The following CACNA1I variants were observed in gnomAD, a reference collection of about 807,000 sequenced individuals.
CACNA1I encodes the protein voltage-dependent T-type calcium channel subunit alpha-1I.
In CACNA1I, 74 loss-of-function variants were observed where a neutral mutation model predicts 201.6. The observed-to-expected ratio is 0.37, with a 90% CI of 0.30 to 0.45. The LOEUF (loss-of-function observed/expected upper bound fraction) is 0.45, where lower values mean the gene tolerates loss of function less well. Ranked by LOEUF, CACNA1I falls within the 20% of genes least tolerant of loss-of-function variation. CACNA1I has a pLI of 1.00. For missense variants in CACNA1I, 2,346 were observed against 3,138.1 expected (o/e 0.75, Z 6.03); for synonymous variants, 1,431 against 1,345.2 (o/e 1.06, Z -1.40).
intron 7 of CACNA1I, among the ~76,000 whole-genome samples, chr22:39,646,254 G>A (rs1418485963): frequency 4.0e-5 from 6 of 151,606 alleles, no homozygotes; most frequent in Non-Finnish European, 5.9e-5. Context: ...GTTTCCACTC[G>A]TCCCCTGCAT....
chr22:39,591,925 G>C (rs969493923), intron 1 of CACNA1I, among the ~76,000 whole-genome samples: 4 of 152,202 alleles, frequency 2.6e-5, no homozygotes, highest in Non-Finnish European at 4.4e-5. Context: ...AGAAGTGTTC[G>C]CGATTGTCAC....
At chr22:39,597,862 G>A (rs1006301338) in intron 1 of CACNA1I, among the ~76,000 whole-genome samples, 3 of 152,204 alleles carry the variant, frequency 2.0e-5, no homozygotes, top group Non-Finnish European at 4.4e-5. Context: ...AGGCTTCCGG[G>A]AACCTCTCCC....
intron 5 of CACNA1I, among the ~76,000 whole-genome samples, chr22:39,636,544 G>A (rs73424176): frequency 0.025 from 3,855 of 152,274 alleles, 166 homozygotes; most frequent in African/African-American, 0.086. Flanking sequence ...TAAAGTTCAC[G>A]CACGTCTGGT....
In CACNA1I at chr22:39,677,286, T is replaced by A; in HGVS notation, c.4855-55T>A. ...CCCCAGCCTCCACCCTTCCCAGGCCTGGTGCGCCCCCACCCGCTCCCCAGC... is the reference window on the plus strand; with the variant it reads ...CCCCAGCCTCCACCCTTCCCAGGCCAGGTGCGCCCCCACCCGCTCCCCAGC... On this transcript the variant is annotated intron_variant, in intron 29 of 36. Transcript: ENST00000402142. This position sits in a 1 kb window ranked among gnomAD's most constrained non-coding sequence, Gnocchi z 4.8. 1 of 1,252,190 alleles carries A rather than the reference T, an allele frequency of 8.0e-7. No individual in the cohort carries two copies. The highest frequency in any genetic ancestry group is 2.5e-5 in the East Asian group (1 of 40,032). The allele number at this position is 1,252,190 out of a possible 1,614,324, so 77.6% of individuals were successfully genotyped here.
intron 1 of CACNA1I, among the ~76,000 whole-genome samples, chr22:39,572,908 C>A (rs780039585): frequency 6.6e-6 from 1 of 152,144 alleles, no homozygotes; most frequent in South Asian, 2.1e-4. Flanking sequence ...AGGCACCCAC[C>A]GCCATGCCCT....
chr22:39,630,106 C>T (rs1239485180), intron 4 of CACNA1I, among the ~76,000 whole-genome samples: 1 of 152,170 alleles, frequency 6.6e-6, no homozygotes, highest in Non-Finnish European at 1.5e-5. Flanking sequence ...CTGCCTCCGA[C>T]TTGAGGGCTG....
intron 4 of CACNA1I, among the ~76,000 whole-genome samples, chr22:39,633,252 C>G (rs1934113063): frequency 6.6e-6 from 1 of 152,170 alleles, no homozygotes. Flanking sequence ...CTGCTGGGTT[C>G]TGGGAATACT....
intron 6 of CACNA1I, among the ~76,000 whole-genome samples, 183 bp downstream of exon 6, chr22:39,641,365 C>G (rs1934346798): frequency 6.6e-6 from 1 of 152,260 alleles, no homozygotes; most frequent in Non-Finnish European, 1.5e-5. Context: ...AGAAAGGAAG[C>G]AAGCTAATTG....
At chr22:39,571,269 C>T in intron 1 of CACNA1I, 1 of 514,974 alleles carries the variant, frequency 1.9e-6, no homozygotes, top group South Asian at 2.1e-5. Flanking sequence ...GAGTGTGGGC[C>T]CCAGACCTGT....
intron 1 of CACNA1I, among the ~76,000 whole-genome samples, chr22:39,573,780 TG>T (rs1362482279): frequency 1.3e-5 from 2 of 152,170 alleles, no homozygotes; most frequent in African/African-American, 4.8e-5. Context: ...TCATGTGGGT[TG>T]TGGCCTGGGG....
chr22:39,671,030 A>G, intron 26 of CACNA1I, 76 bp downstream of exon 26: 4 of 1,369,028 alleles, frequency 2.9e-6, no homozygotes, highest in Non-Finnish European at 4.1e-6. Flanking sequence ...CCCCAGGGAT[A>G]GGGTGGGGAA....
intron 5 of CACNA1I, among the ~76,000 whole-genome samples, chr22:39,634,965 C>T (rs1934168200): frequency 6.6e-6 from 1 of 152,108 alleles, no homozygotes; most frequent in Admixed American, 6.5e-5. Flanking sequence ...CATTCATTCC[C>T]CTTGGTGGCT....
intron 1 of CACNA1I, among the ~76,000 whole-genome samples, chr22:39,593,112 G>C (rs1221822523): frequency 2.6e-5 from 4 of 152,114 alleles, no homozygotes; most frequent in Non-Finnish European, 2.9e-5. Context: ...AGGGATGAAA[G>C]CCACTCCATC....
Position 39,670,809 on chromosome 22 carries a change from A to G in CACNA1I, c.4394A>G (p.Gln1465Arg). Residue 1465 changes from glutamine (Q) to arginine (R), a missense_variant, in exon 26 of 37, where the codon CAG (glutamine) becomes CGG (arginine). Physicochemically the swap from Gln to Arg is conservative, Grantham distance 43. This residue lies in a region of CACNA1I where 228 missense variants were observed against 395.7 expected (regional missense o/e 0.58). Transcript: ENST00000402142. Reference protein sequence around the residue: ...RRLEKKRRKAQRLPYYATYCH... With the variant: ...RRLEKKRRKARRLPYYATYCH... ...CCCCCTGCACCACCTGCAGAGGCCC[A>G]GCGGCTGCCCTACTATGCCACCTAT... 1 of 1,613,766 alleles carries G rather than the reference A, an allele frequency of 6.2e-7. No individual in the cohort carries two copies. Among genetic ancestry groups the G allele is most frequent in the Non-Finnish European group, 8.5e-7 (1 of 1,179,826 alleles).
rs61708088 is a variant in CACNA1I, at chr22:39,660,349, C to T, written c.2610C>T (p.Asp870=). The part of the protein sequence containing the change: ...ILVEGFQAEG[D]ANRSYSDEDQ... ...CGTGACGGATGCTCTCCCAGGGTGA[C>T]GCCAATCGCTCCTACTCGGACGAGG... The change falls in exon 15 of 37, where the codon GAC becomes GAT. Residue 870 remains aspartate (D), a synonymous_variant. Coordinates refer to ENST00000402142, the MANE Select transcript of CACNA1I (RefSeq NM_021096.4). 1.1e-3 allele frequency: 1,754 copies of T among 1,611,668 alleles called. 18 individuals carry two copies. In the African/African-American group the frequency reaches 0.02, roughly 18 times the overall value.
chr22:39,623,439 C>T (rs1227023802), intron 4 of CACNA1I, among the ~76,000 whole-genome samples: 2 of 151,574 alleles, frequency 1.3e-5, no homozygotes, highest in Admixed American at 1.3e-4. Flanking sequence ...TGTGAGAGTG[C>T]GTGCCTATGA....
rs747412933 is a variant in CACNA1I at position 39,658,107 on chromosome 22, C to T, written c.1993-45C>T. On this transcript the variant is annotated intron_variant, in intron 10 of 36. Coordinates refer to ENST00000402142, the MANE Select transcript of CACNA1I (RefSeq NM_021096.4). ...TGTCCAGAGGGGATCCACAGCTGCC[C>T]TCTGGCCTGACCGGGTCTCCATTCC... is the stretch of plus-strand genomic sequence containing the variant. 3.1e-6 allele frequency: 5 copies of T among 1,606,054 alleles called. No homozygotes were observed. The South Asian group carries it at 4.5e-5, about 14-fold the overall frequency.
chr22:39,634,633 T>C lies in CACNA1I; in HGVS notation c.649T>C (p.Phe217Leu). The C allele has an allele frequency of 6.2e-7, 1 of 1,614,016 alleles. No individual in the cohort carries two copies. Among genetic ancestry groups the C allele is most frequent in the Non-Finnish European group, 8.5e-7 (1 of 1,179,890 alleles). Residue 217 changes from phenylalanine to leucine, a missense_variant, in exon 5 of 37, where the codon TTC (phenylalanine) becomes CTC (leucine). This residue lies in a region of CACNA1I where 227 missense variants were observed against 412.5 expected (regional missense o/e 0.55). Transcript: ENST00000402142. ...GCTGGGGAATGTCCTGCTGCTCTGC[T>C]TCTTTGTCTTCTTCATCTTTGGCAT... ...PMLGNVLLLC[F>L]FVFFIFGIIG... is the part of the protein sequence containing the mutation.
chr22:39,672,271 C>T lies in CACNA1I; in HGVS notation c.4612C>T (p.Leu1538=). 1.2e-6 allele frequency: 2 copies of T among 1,613,674 alleles called. No individual in the cohort carries two copies. The highest frequency in any genetic ancestry group is 1.7e-6 in the Non-Finnish European group (2 of 1,179,800). ...CTTTGTGCTGGAGGCTGTGCTGAAG[C>T]TGGTGGCATTTGGTCTGAGGCGCTT... ...TVFVLEAVLK[L]VAFGLRRFFK... The change falls in exon 27 of 37, where the codon CTG becomes TTG. Residue 1538 remains leucine, a synonymous_variant. Transcript: ENST00000402142.
Sources: allele counts gnomAD v4.1 joint callset (sites outside exome capture counted in the v4.1 genomes callset), GRCh38; gene constraint gnomAD v4.1.1; regional missense constraint gnomAD v4.1.1; non-coding constraint Gnocchi (gnomAD v3.1); transcripts MANE v1.5; gene names NCBI Gene and HGNC (gene_info 2026-07-23, HGNC 2026-07-21).